Variants in MAN1C1 observed in about 807,000 individuals in gnomAD.
MAN1C1 encodes mannosyl-oligosaccharide 1,2-alpha-mannosidase IC.
A neutral mutation model predicts 71.5 loss-of-function variants in MAN1C1; 49 were observed. That is an observed-to-expected ratio of 0.69 (90% confidence interval 0.54 to 0.87). The LOEUF is 0.87. Ranked by LOEUF, MAN1C1 falls within the 40% of genes least tolerant of loss-of-function variation. The pLI, the probability that MAN1C1 is intolerant of heterozygous loss-of-function variation, is 0.00. For synonymous variants in MAN1C1, 352 were observed against 343.7 expected, an observed-to-expected ratio of 1.02 and a Z score of -0.27; for missense variants, 743 against 835.0, an observed-to-expected ratio of 0.89 and a Z score of 1.36.
At chr1:25,757,933 T>C (rs1297741850) in intron 5 of MAN1C1, among the ~76,000 whole-genome samples, 2 of 152,234 alleles carry the variant, frequency 1.3e-5, no homozygotes, top group Non-Finnish European at 2.9e-5. Context: ...GGGGCAGCTG[T>C]GAGGATTAAC....
chr1:25,687,501 C>G (rs2046248524), intron 2 of MAN1C1, among the ~76,000 whole-genome samples: 1 of 152,182 alleles, frequency 6.6e-6, no homozygotes, highest in African/African-American at 2.4e-5. Context: ...TTCCTCACCC[C>G]TTACAGATAC....
intron 1 of MAN1C1, among the ~76,000 whole-genome samples, chr1:25,676,675 C>T (rs908864840): frequency 2.3e-4 from 35 of 152,196 alleles, no homozygotes; most frequent in African/African-American, 8.2e-4. Context: ...TGCTGGGAGA[C>T]GCCAGTAAGG....
intron 1 of MAN1C1, among the ~76,000 whole-genome samples, chr1:25,618,850 A>G (rs1232326581): frequency 6.6e-6 from 1 of 152,136 alleles, no homozygotes; most frequent in Non-Finnish European, 1.5e-5. Flanking sequence ...ATATTTTGTA[A>G]TCTAGTAAGC....
intron 7 of MAN1C1, among the ~76,000 whole-genome samples, chr1:25,770,974 C>T (rs1002827341): frequency 6.6e-6 from 1 of 152,210 alleles, no homozygotes. Context: ...AAGTGTTCCT[C>T]GGGCAACCCG....
At chr1:25,670,582 C>T (rs1181561043) in intron 1 of MAN1C1, among the ~76,000 whole-genome samples, 1 of 152,184 alleles carries the variant, frequency 6.6e-6, no homozygotes. Context: ...GGGCAGCAGC[C>T]GGCCTTCGTT....
chr1:25,726,449 C>T (rs1191447386), intron 2 of MAN1C1, among the ~76,000 whole-genome samples: 2 of 152,214 alleles, frequency 1.3e-5, no homozygotes, highest in African/African-American at 2.4e-5. Context: ...CAGATCCCAT[C>T]CAATGTCATC....
At chr1:25,720,647 G>A (rs1572173452) in intron 2 of MAN1C1, among the ~76,000 whole-genome samples, 2 of 152,300 alleles carry the variant, frequency 1.3e-5, no homozygotes, top group African/African-American at 4.8e-5. Flanking sequence ...TTTCTTGATG[G>A]AATAGTTTTC....
At chr1:25,629,543 C>T (rs932833024) in intron 1 of MAN1C1, among the ~76,000 whole-genome samples, 1 of 152,150 alleles carries the variant, frequency 6.6e-6, no homozygotes. Flanking sequence ...TCAAGTGATT[C>T]TCCTACCTCG....
At chr1:25,719,817 T>G (rs1283848994) in intron 2 of MAN1C1, among the ~76,000 whole-genome samples, 1 of 152,310 alleles carries the variant, frequency 6.6e-6, no homozygotes, top group East Asian at 1.9e-4. Context: ...ACAGTTTCAC[T>G]CTGTCACCTA....
chr1:25,725,299 A>T lies in MAN1C1; in HGVS notation c.638-21369A>T, dbSNP rs575468530. On this transcript the variant is annotated intron_variant, in intron 2 of 11. Coordinates refer to ENST00000374332, the MANE Select transcript of MAN1C1 (RefSeq NM_020379.4). This position sits in a 1 kb window ranked among gnomAD's most constrained non-coding sequence, Gnocchi z 4.8. ...GAGGCTTTTCTAGGCCAGCTCTGGG[A>T]TGGATGCTAGAGATGCAAAGGTGCA... is the stretch of plus-strand genomic sequence containing the variant. Among the ~76,000 whole-genome samples, 2 of 152,224 alleles carry T rather than the reference A, an allele frequency of 1.3e-5. No homozygotes were observed. The highest frequency in any genetic ancestry group is 4.1e-4 in the South Asian group (2 of 4,838).
At chr1:25,732,991 C>G (rs1203947810) in intron 2 of MAN1C1, among the ~76,000 whole-genome samples, 1 of 152,220 alleles carries the variant, frequency 6.6e-6, no homozygotes, top group African/African-American at 2.4e-5. Context: ...CAAGACAGCA[C>G]TGCAACCCTG....
chr1:25,753,931 G>A lies in MAN1C1; in HGVS notation c.929+353G>A, dbSNP rs1053183754. Among the ~76,000 whole-genome samples, 4 of 152,286 alleles carry A rather than the reference G, an allele frequency of 2.6e-5. No homozygotes were observed. The highest frequency in any genetic ancestry group is 7.2e-5 in the African/African-American group (3 of 41,564). On this transcript the variant is annotated intron_variant, in intron 5 of 11. Transcript: ENST00000374332. This position sits in a 1 kb window ranked among gnomAD's most constrained non-coding sequence, Gnocchi z 4.9. ...GTTCCTCTGGACATCCCACAGTGCT[G>A]TCTTGACTTGAGAGTCTTCCACAAT...
intron 2 of MAN1C1, among the ~76,000 whole-genome samples, chr1:25,713,909 A>G (rs1009701291): frequency 2.6e-5 from 4 of 152,168 alleles, no homozygotes; most frequent in African/African-American, 9.7e-5. Context: ...GGAGCTTCCG[A>G]GGGAGTTAAA....
rs1452325728 is a variant in MAN1C1 at position 25,670,716 on chromosome 1, C to A, written c.541-15724C>A. Among the ~76,000 whole-genome samples, 4 of 152,208 alleles carry A rather than the reference C, an allele frequency of 2.6e-5. No individual in the cohort carries two copies. In the East Asian group the frequency reaches 7.7e-4, roughly 29 times the overall value. On this transcript the variant is annotated intron_variant, in intron 1 of 11. Coordinates refer to ENST00000374332, the MANE Select transcript of MAN1C1 (RefSeq NM_020379.4). ...AAAGCTTTCTGAATCAGCCAGACCC[C>A]AGCTTCAAACACTGGCTCTGCCACC... is the stretch of plus-strand genomic sequence containing the variant.
intron 2 of MAN1C1, among the ~76,000 whole-genome samples, chr1:25,712,299 G>C (rs111811035): frequency 6.6e-6 from 1 of 152,164 alleles, no homozygotes; most frequent in Admixed American, 6.5e-5. Context: ...ACATACTAAC[G>C]TGCCCGTTAG....
chr1:25,764,300 G>A lies in MAN1C1; in HGVS notation c.1141+333G>A, dbSNP rs1052018954. ...GGGAGCCTCCTGCATTATACCCCAGGTTCTCGGGAGGGTCCCAGGTGGAGT... is the reference window on the plus strand; with the variant it reads ...GGGAGCCTCCTGCATTATACCCCAGATTCTCGGGAGGGTCCCAGGTGGAGT... On this transcript the variant is annotated intron_variant, in intron 7 of 11. Transcript: ENST00000374332. This position sits in a 1 kb window ranked among gnomAD's most constrained non-coding sequence, Gnocchi z 4.4. Among the ~76,000 whole-genome samples the A allele has an allele frequency of 2.6e-5, 4 of 152,150 alleles. No homozygotes were observed. Among genetic ancestry groups the A allele is most frequent in the Non-Finnish European group, 5.9e-5 (4 of 68,024 alleles).
intron 2 of MAN1C1, among the ~76,000 whole-genome samples, chr1:25,718,026 A>T (rs2046706399): frequency 6.6e-6 from 1 of 151,348 alleles, no homozygotes; most frequent in South Asian, 2.1e-4. Context: ...ACACACACAC[A>T]TAGCCATTCC....
In MAN1C1 at chr1:25,735,611, T is replaced by A. The variant is rs1026757200; in HGVS notation, c.638-11057T>A. On this transcript the variant is annotated intron_variant, in intron 2 of 11. Coordinates refer to ENST00000374332, the MANE Select transcript of MAN1C1 (RefSeq NM_020379.4). The surrounding 1 kb of genome is among the most constrained non-coding windows in gnomAD (Gnocchi z 4.6). ...CAGTCATCTATTTCCATAATAGGGT[T>A]GTATTATAACAAAGTATTCCACAGT... 4.6e-5 allele frequency among the ~76,000 whole-genome samples: 7 copies of A among 152,220 alleles called. No homozygotes were observed. Among genetic ancestry groups the A allele is most frequent in the African/African-American group, 1.7e-4 (7 of 41,448 alleles).
At chr1:25,675,918 A>G (rs1324404070) in intron 1 of MAN1C1, among the ~76,000 whole-genome samples, 1 of 152,326 alleles carries the variant, frequency 6.6e-6, no homozygotes, top group East Asian at 1.9e-4. Flanking sequence ...CACAGCCAGT[A>G]AGGTGGCAGA....
Sources: gnomAD v4.1 joint callset for allele counts (sites outside exome capture counted in the v4.1 genomes callset) on GRCh38, gnomAD v4.1.1 for gene constraint, Gnocchi (gnomAD v3.1) non-coding constraint, MANE v1.5 for transcripts, NCBI Gene and HGNC (gene_info 2026-07-23, HGNC 2026-07-21) for gene names.